The following KRIT1 variants were observed in gnomAD, a reference collection of about 807,000 sequenced individuals.
KRIT1 encodes krev interaction trapped protein 1.
A neutral mutation model predicts 95.8 loss-of-function variants in KRIT1; 45 were observed. The ratio of observed to expected loss-of-function variants is 0.47; its 90% CI spans 0.37 to 0.60. KRIT1 has a LOEUF of 0.60. KRIT1 is among the 20% of genes least tolerant of loss of function. The pLI is 0.00. For missense variants in KRIT1, 788 were observed against 877.5 expected (o/e 0.90, Z 1.29); for synonymous variants, 282 against 278.8 (o/e 1.01, Z -0.11).
chr7:92,222,540 CA>C (rs1244001871), intron 13 of KRIT1, among the ~76,000 whole-genome samples: 2 of 152,158 alleles, frequency 1.3e-5, no homozygotes, highest in Non-Finnish European at 2.9e-5. Flanking sequence ...AGGCAAGTTG[CA>C]TTAGCACAAC....
At chr7:92,240,438 G>A (rs995644455) in intron 5 of KRIT1, among the ~76,000 whole-genome samples, 5 of 152,156 alleles carry the variant, frequency 3.3e-5, no homozygotes, top group Non-Finnish European at 7.3e-5. Context: ...GATATAGTTT[G>A]TAGTTTCTGT....
chr7:92,215,110 ATAGT>A (rs1007926421), intron 14 of KRIT1, among the ~76,000 whole-genome samples: 5 of 151,564 alleles, frequency 3.3e-5, no homozygotes, highest in Non-Finnish European at 5.9e-5. Context: ...CTGATAGGAA[ATAGT>A]TATTTTTTTT....
chr7:92,236,981 T>C (rs955020136), intron 6 of KRIT1, among the ~76,000 whole-genome samples: 3 of 152,174 alleles, frequency 2.0e-5, no homozygotes, highest in African/African-American at 7.2e-5. Flanking sequence ...ACTACTATCT[T>C]ACATGATGCT....
At chr7:92,245,963 A>G (rs370781912), upstream of KRIT1, 53 of 242,818 alleles carry the variant, frequency 2.2e-4, 1 homozygote, top group African/African-American at 9.8e-4. Flanking sequence ...GTTGGCGGTG[A>G]AAGAGCTTCC....
intron 18 of KRIT1, 135 bp downstream of exon 18, chr7:92,201,172 T>C (rs1404903653): frequency 4.6e-6 from 3 of 654,994 alleles, no homozygotes; most frequent in Non-Finnish European, 8.2e-6. Context: ...CTGGCTTTAT[T>C]CCTTGGTCTT....
At chr7:92,227,461 T>C (rs1231330516) in intron 10 of KRIT1, among the ~76,000 whole-genome samples, 1 of 152,014 alleles carries the variant, frequency 6.6e-6, no homozygotes, top group Non-Finnish European at 1.5e-5. Context: ...TCCAGAGATA[T>C]AATTCCAGAA....
At chr7:92,238,734 T>G (rs867900449) in intron 5 of KRIT1, among the ~76,000 whole-genome samples, 1 of 152,300 alleles carries the variant, frequency 6.6e-6, no homozygotes, top group Middle Eastern at 3.4e-3. Flanking sequence ...TATCTAACTA[T>G]GAGATCTGTC....
At chr7:92,232,368 A>G (rs1004244578) in intron 10 of KRIT1, among the ~76,000 whole-genome samples, 1 of 152,186 alleles carries the variant, frequency 6.6e-6, no homozygotes, top group African/African-American at 2.4e-5. Context: ...AGACCCTTAG[A>G]GACATAAAGT....
At chr7:92,201,687 C>A in intron 17 of KRIT1, 1 of 369,062 alleles carries the variant, frequency 2.7e-6, no homozygotes, top group Non-Finnish European at 5.1e-6. Context: ...CCTCCCCTAG[C>A]CCCCTACCCC....
intron 16 of KRIT1, 43 bp downstream of exon 16, chr7:92,213,849 A>C (rs1364341242): frequency 8.9e-7 from 1 of 1,129,714 alleles, no homozygotes; most frequent in African/African-American, 1.5e-5. Flanking sequence ...CAAAGTTTCA[A>C]CTAGCCTATA....
intron 17 of KRIT1, among the ~76,000 whole-genome samples, chr7:92,211,114 C>T (rs1792714826): frequency 6.6e-6 from 1 of 152,096 alleles, no homozygotes; most frequent in East Asian, 1.9e-4. Flanking sequence ...TTATGGAAAA[C>T]AGTATAGAGG....
At chr7:92,218,830 CTT>C (rs1303497598) in intron 14 of KRIT1, among the ~76,000 whole-genome samples, 1 of 152,032 alleles carries the variant, frequency 6.6e-6, no homozygotes, top group Non-Finnish European at 1.5e-5. Context: ...GCACAAAAGT[CTT>C]TGATTTTGAT....
At chr7:92,245,996 C>T (rs28365965), upstream of KRIT1, 21,040 of 234,902 alleles carry the variant, frequency 0.09, 1,309 homozygotes, top group East Asian at 0.36. Flanking sequence ...GGGCTGCTGC[C>T]GTTCCTGCTC....
chr7:92,225,876 A>G (rs768870861), intron 11 of KRIT1, 49 bp from the exon 12 acceptor site: 1 of 942,864 alleles, frequency 1.1e-6, no homozygotes, highest in South Asian at 1.3e-5. Context: ...ATATTATGGT[A>G]TTCTAAGGGA....
intron 6 of KRIT1, 54 bp from the exon 7 acceptor site, chr7:92,236,596 T>C: frequency 8.9e-7 from 1 of 1,120,260 alleles, no homozygotes; most frequent in Non-Finnish European, 1.3e-6. Flanking sequence ...TACATCTGCA[T>C]GTTTTCATCT....
At position 92,200,722 on chromosome 7, in the gene KRIT1, C is replaced by T. The variant is rs1563209793; in HGVS notation, c.*14G>A. ...TTACAAAATGTGGTGGCTTGAGTAA[C>T]AGTTACTTCTCTTTCATGAATTTCT... is the stretch of plus-strand genomic sequence containing the variant. On this transcript the variant is annotated 3_prime_UTR_variant, in exon 19 of 19. Coordinates refer to ENST00000394505, the MANE Select transcript of KRIT1 (RefSeq NM_194454.3). 1 of 1,536,500 alleles carries T rather than the reference C, an allele frequency of 6.5e-7. No homozygotes were observed. Among genetic ancestry groups the T allele is most frequent in the South Asian group, 1.1e-5 (1 of 89,558 alleles).
intron 17 of KRIT1, among the ~76,000 whole-genome samples, chr7:92,209,496 CAAATT>C (rs1563230827): frequency 6.6e-6 from 1 of 152,042 alleles, no homozygotes. Context: ...ACTGATAAAA[CAAATT>C]CAATAAAGTT....
chr7:92,210,763 CAG>C (rs1265263657), intron 17 of KRIT1, among the ~76,000 whole-genome samples: 20 of 152,208 alleles, frequency 1.3e-4, no homozygotes, highest in African/African-American at 4.8e-4. Context: ...GAATGGGAGA[CAG>C]TATTTTCAAA....
intron 12 of KRIT1, among the ~76,000 whole-genome samples, chr7:92,225,107 C>T (rs1421899713): frequency 6.6e-6 from 1 of 151,828 alleles, no homozygotes. Context: ...GAGCTGAGAT[C>T]GCGCCATTGT....
Sources: allele counts gnomAD v4.1 joint callset (sites outside exome capture counted in the v4.1 genomes callset), GRCh38; gene constraint gnomAD v4.1.1; transcripts MANE v1.5; gene names NCBI Gene and HGNC (gene_info 2026-07-23, HGNC 2026-07-21).